Variants in ROBO2 observed in about 807,000 individuals in gnomAD.
ROBO2 encodes roundabout homolog 2.
A neutral mutation model predicts 160.8 loss-of-function variants in ROBO2; 53 were observed. That is an observed-to-expected ratio of 0.33 (90% CI 0.26 to 0.41). The LOEUF (loss-of-function observed/expected upper bound fraction) is 0.41. ROBO2 is among the 10% of genes least tolerant of loss of function. ROBO2 has a pLI of 1.00. For missense variants in ROBO2, 1,577 were observed against 1,722.4 expected (o/e 0.92, Z 1.49); for synonymous variants, 664 against 611.7 (o/e 1.09, Z -1.26).
intron 2 of ROBO2, among the ~76,000 whole-genome samples, chr3:76,050,625 A>G (rs2067622167): frequency 6.6e-6 from 1 of 152,202 alleles, no homozygotes; most frequent in African/African-American, 2.4e-5. Context: ...TCTCGTGGCC[A>G]CTGCCTCTCT....
At chr3:76,944,189 G>C (rs564972562) in intron 2 of ROBO2, among the ~76,000 whole-genome samples, 85 of 151,796 alleles carry the variant, frequency 5.6e-4, no homozygotes, top group Admixed American at 1.0e-3. Context: ...ATGAGTCATT[G>C]AAAAAAACAA....
chr3:77,244,821 TG>T, intron 2 of ROBO2, among the ~76,000 whole-genome samples: 1 of 145,464 alleles, frequency 6.9e-6, no homozygotes, highest in Non-Finnish European at 1.5e-5. Flanking sequence ...GAGCTTGCAG[TG>T]AGCCGAGATC....
At chr3:76,277,257 G>A (rs1364096448) in intron 2 of ROBO2, among the ~76,000 whole-genome samples, 1 of 151,770 alleles carries the variant, frequency 6.6e-6, no homozygotes, top group East Asian at 1.9e-4. Flanking sequence ...GGTAACTAAG[G>A]AACCCAGTAG....
At chr3:77,176,110 G>T (rs1381888498) in intron 2 of ROBO2, among the ~76,000 whole-genome samples, 1 of 151,796 alleles carries the variant, frequency 6.6e-6, no homozygotes, top group African/African-American at 2.4e-5. Flanking sequence ...AGCTCCAAAA[G>T]ATTGAGGGAG....
At chr3:76,790,234 C>T (rs769227142) in intron 2 of ROBO2, among the ~76,000 whole-genome samples, 5 of 151,568 alleles carry the variant, frequency 3.3e-5, no homozygotes, top group South Asian at 2.1e-4. Flanking sequence ...AGTAACCTGG[C>T]GATATTCTTG....
At chr3:76,806,523 C>T (rs1294487737) in intron 2 of ROBO2, among the ~76,000 whole-genome samples, 1 of 151,634 alleles carries the variant, frequency 6.6e-6, no homozygotes, top group African/African-American at 2.4e-5. Context: ...CAAAAAAAAA[C>T]ATGAATAAAA....
chr3:76,345,140 A>G (rs2074448794), intron 2 of ROBO2, among the ~76,000 whole-genome samples: 1 of 152,146 alleles, frequency 6.6e-6, no homozygotes, highest in Admixed American at 6.6e-5. Context: ...GAGAAAAAAG[A>G]AAAGAACTTA....
chr3:76,969,049 C>T (rs72902011), intron 2 of ROBO2, among the ~76,000 whole-genome samples: 32 of 152,212 alleles, frequency 2.1e-4, no homozygotes, highest in South Asian at 1.0e-3. Flanking sequence ...TGGAAACATA[C>T]GTTTATTAAA....
At chr3:76,399,031 G>A (rs2077654776) in intron 2 of ROBO2, among the ~76,000 whole-genome samples, 1 of 151,674 alleles carries the variant, frequency 6.6e-6, no homozygotes, top group African/African-American at 2.4e-5. Context: ...TCTGTAGAGT[G>A]TTTTGTTTAT....
intron 1 of ROBO2, among the ~76,000 whole-genome samples, chr3:77,097,069 T>C (rs576479800): frequency 2.6e-5 from 4 of 152,324 alleles, no homozygotes; most frequent in African/African-American, 9.6e-5. Flanking sequence ...CTTAAAAATC[T>C]GTGAGCCGTG....
intron 2 of ROBO2, among the ~76,000 whole-genome samples, chr3:76,150,283 T>C (rs1249493221): frequency 6.7e-6 from 1 of 150,256 alleles, no homozygotes; most frequent in Admixed American, 6.6e-5. Flanking sequence ...AACACTCATC[T>C]GTCTAAAACA....
chr3:76,382,496 A>T (rs976643998), intron 2 of ROBO2, among the ~76,000 whole-genome samples: 8 of 152,208 alleles, frequency 5.3e-5, no homozygotes, highest in Non-Finnish European at 1.0e-4. Context: ...CTGAGGCAGG[A>T]GAATGGCGTG....
intron 2 of ROBO2, among the ~76,000 whole-genome samples, chr3:76,647,083 A>T (rs965884463): frequency 2.0e-4 from 30 of 152,156 alleles, no homozygotes; most frequent in African/African-American, 7.2e-4. Context: ...TGACGCAGAG[A>T]ACTCAGAGGA....
intron 1 of ROBO2, among the ~76,000 whole-genome samples, chr3:77,081,628 A>G (rs1326506433): frequency 2.0e-5 from 3 of 152,130 alleles, no homozygotes; most frequent in Non-Finnish European, 4.4e-5. Context: ...AAGAATTTCT[A>G]TTTTTGTTAT....
intron 8 of ROBO2, among the ~76,000 whole-genome samples, chr3:77,554,826 A>G (rs895965377): frequency 9.9e-5 from 15 of 152,014 alleles, no homozygotes; most frequent in Admixed American, 3.3e-4. Flanking sequence ...GTGATAACAA[A>G]TGATTCAAAA....
At chr3:77,386,832 A>T (rs2074166410) in intron 2 of ROBO2, among the ~76,000 whole-genome samples, 1 of 151,596 alleles carries the variant, frequency 6.6e-6, no homozygotes, top group African/African-American at 2.4e-5. Flanking sequence ...CTAACTTCTG[A>T]CCTCAGATGA....
chr3:77,566,254 A>C (rs1320958744), intron 12 of ROBO2, among the ~76,000 whole-genome samples: 1 of 152,010 alleles, frequency 6.6e-6, no homozygotes, highest in African/African-American at 2.4e-5. Flanking sequence ...AGGGAGGAGG[A>C]AATGCCATTT....
intron 2 of ROBO2, among the ~76,000 whole-genome samples, chr3:77,006,805 A>C (rs535541610): frequency 6.6e-6 from 1 of 152,214 alleles, no homozygotes. Context: ...ATAAGTGATA[A>C]AAAATAGGAA....
At chr3:75,938,288 A>T (rs1947889074) in intron 2 of ROBO2, among the ~76,000 whole-genome samples, 1 of 151,972 alleles carries the variant, frequency 6.6e-6, no homozygotes, top group African/African-American at 2.4e-5. Context: ...CAAATCTAGT[A>T]TCTCTGAGTG....
Sources: allele counts gnomAD v4.1 joint callset (sites outside exome capture counted in the v4.1 genomes callset), GRCh38; gene constraint gnomAD v4.1.1; transcripts MANE v1.5; gene names NCBI Gene and HGNC (gene_info 2026-07-23, HGNC 2026-07-21).